VCP: variants seen among roughly 807,000 people sequenced by gnomAD.
The protein encoded by VCP is transitional endoplasmic reticulum ATPase.
A neutral mutation model predicts 85.7 loss-of-function variants in VCP; 6 were observed. That is an observed-to-expected ratio of 0.07 (90% CI 0.04 to 0.14). VCP has a LOEUF of 0.14. Among genes scored for constraint, VCP ranks in the 10% least tolerant of loss-of-function variants. VCP has a pLI of 1.00. For synonymous variants in VCP, 384 were observed against 367.1 expected (o/e 1.05, Z -0.53); for missense variants, 353 against 1,043.4 (o/e 0.34, Z 9.12).
Position 35,057,223 on chromosome 9 carries a change from CTG to C in VCP, c.2316-3_2316-2del, listed in dbSNP as rs942664787. 6.2e-7 allele frequency: 1 copy of C among 1,614,098 alleles called. No homozygotes were observed. The highest frequency in any genetic ancestry group is 8.5e-7 in the Non-Finnish European group (1 of 1,180,058). ...TCCACCCTGGTTCCCTGAAGGGAAT[CTG>C]TGTACAAGAGCAAAGCCAAAAAAGA... On this transcript the variant is annotated splice_acceptor_variant and splice_polypyrimidine_tract_variant and intron_variant, in intron 16 of 16. Transcript: ENST00000358901. LOFTEE classifies it high-confidence loss of function.
Position 35,056,936 on chromosome 9 carries a change from T to C in VCP, c.*181A>G. ...ATGAAAATCGCTTTTATTTTATCGC[T>C]TTTGTTTTGTATTTTTGCAACAGAA... On this transcript the variant is annotated 3_prime_UTR_variant, in exon 17 of 17. Transcript: ENST00000358901. The C allele has an allele frequency of 6.0e-6, 4 of 661,980 alleles. No homozygotes were observed. The South Asian group carries it at 6.5e-5, about 11-fold the overall frequency. 41.0% of individuals were successfully genotyped at this position (661,980 alleles called of 1,614,324 possible).
chr9:35,064,328 A>T (rs565784689), intron 5 of VCP, 43 bp from the exon 6 acceptor site: 2 of 1,611,010 alleles, frequency 1.2e-6, no homozygotes, highest in Non-Finnish European at 1.7e-6. Flanking sequence ...CAAGAATATT[A>T]TATCAGCAAA....
At chr9:35,071,665 G>A in intron 1 of VCP, 2 of 969,822 alleles carry the variant, frequency 2.1e-6, no homozygotes, top group Middle Eastern at 5.3e-4. Context: ...ATGAACAACA[G>A]GCCTAAAGTA....
intron 6 of VCP, among the ~76,000 whole-genome samples, chr9:35,063,927 T>G (rs1260665560): frequency 6.6e-6 from 1 of 152,256 alleles, no homozygotes; most frequent in African/African-American, 2.4e-5. Flanking sequence ...GTGTGTGTGT[T>G]TTGTGCGCAC....
chr9:35,068,610 G>T (rs574321642), intron 1 of VCP, among the ~76,000 whole-genome samples: 2 of 152,260 alleles, frequency 1.3e-5, no homozygotes, highest in African/African-American at 4.8e-5. Flanking sequence ...GAGTGATCCT[G>T]CCCCAGGGTC....
At chr9:35,068,638 G>A (rs1828881318) in intron 1 of VCP, among the ~76,000 whole-genome samples, 1 of 152,160 alleles carries the variant, frequency 6.6e-6, no homozygotes, top group Admixed American at 6.5e-5. Flanking sequence ...AATGGCCTAA[G>A]AAGAAGACAT....
In VCP at chr9:35,068,326, T is replaced by C. The variant is rs766042571; in HGVS notation, c.54A>G (p.Lys18=). The C allele has an allele frequency of 3.7e-5, 60 of 1,614,018 alleles. No homozygotes were observed. The East Asian group carries it at 1.3e-3, about 34-fold the overall frequency. Residue 18 remains lysine, a synonymous_variant, in exon 2 of 17, where the codon AAA becomes AAG. Coordinates refer to ENST00000358901, the MANE Select transcript of VCP (RefSeq NM_007126.5). ...TTAACCGATTGGGACGGTTCTTCTG[T>C]TTGAGAATGGCTGTTGATAGGTCAT... The part of the protein sequence containing the change: ...KGDDLSTAIL[K]QKNRPNRLIV...
intron 15 of VCP, among the ~76,000 whole-genome samples, chr9:35,058,776 A>C (rs988559222): frequency 6.9e-6 from 1 of 145,406 alleles, no homozygotes; most frequent in Non-Finnish European, 1.5e-5. Context: ...CAAAAAAAAA[A>C]CAAAAAACAA....
chr9:35,069,641 G>A (rs982573162), intron 1 of VCP, among the ~76,000 whole-genome samples: 2 of 151,758 alleles, frequency 1.3e-5, no homozygotes, highest in Admixed American at 1.3e-4. Flanking sequence ...TACTAGAGAT[G>A]GGGTTTCACC....
At chr9:35,071,280 T>C (rs1254598620) in intron 1 of VCP, among the ~76,000 whole-genome samples, 1 of 146,762 alleles carries the variant, frequency 6.8e-6, no homozygotes, top group African/African-American at 2.5e-5. Flanking sequence ...TAGAGTTTCC[T>C]TGGGCTGGCT....
intron 15 of VCP, among the ~76,000 whole-genome samples, chr9:35,058,060 A>G (rs928616136): frequency 1.3e-5 from 2 of 152,172 alleles, no homozygotes; most frequent in Non-Finnish European, 2.9e-5. Flanking sequence ...AATGATTGCA[A>G]TCCTACTACT....
intron 6 of VCP, among the ~76,000 whole-genome samples, chr9:35,063,916 T>C (rs141332754): frequency 4.6e-5 from 7 of 152,154 alleles, no homozygotes; most frequent in African/African-American, 1.4e-4. Context: ...CATATATATA[T>C]GTGTGTGTGT....
chr9:35,062,121 C>T lies in VCP; in HGVS notation c.963G>A (p.Glu321=). 3 of 1,614,196 alleles carry T rather than the reference C, an allele frequency of 1.9e-6. No homozygotes were observed. Among genetic ancestry groups the T allele is most frequent in the Non-Finnish European group, 2.5e-6 (3 of 1,180,034 alleles). ...PKREKTHGEV[E]RRIVSQLLTL... ...TCAACAACTGTGATACAATGCGCCG[C>T]TCCACCTCGCCATGAGTCTGCCAGA... The change falls in exon 9 of 17, where the codon GAG becomes GAA. Residue 321 remains glutamate (E), a synonymous_variant. Coordinates refer to ENST00000358901, the MANE Select transcript of VCP (RefSeq NM_007126.5).
At chr9:35,062,557 C>A (rs1587123886) in intron 7 of VCP, among the ~76,000 whole-genome samples, 1 of 152,296 alleles carries the variant, frequency 6.6e-6, no homozygotes, top group East Asian at 1.9e-4. Flanking sequence ...TCACTATACT[C>A]TTCTCACAGT....
intron 9 of VCP, 108 bp downstream of exon 9, chr9:35,061,895 C>T: frequency 1.3e-6 from 2 of 1,587,804 alleles, no homozygotes; most frequent in South Asian, 1.1e-5. Flanking sequence ...GGAAAAAGAC[C>T]CCTGGACCCA....
chr9:35,062,551 T>C (rs149934660), intron 7 of VCP, among the ~76,000 whole-genome samples: 129 of 152,250 alleles, frequency 8.5e-4, no homozygotes, highest in South Asian at 3.9e-3. Flanking sequence ...AGGGACTCAC[T>C]ATACTCTTCT....
At chr9:35,061,441 A>G in intron 10 of VCP, 136 bp downstream of exon 10, 1 of 965,712 alleles carries the variant, frequency 1.0e-6, no homozygotes, top group Non-Finnish European at 1.6e-6. Context: ...TCCTGGATTC[A>G]ATCTCAGATT....
chr9:35,067,549 G>A (rs1310255056), intron 3 of VCP, among the ~76,000 whole-genome samples: 1 of 152,156 alleles, frequency 6.6e-6, no homozygotes, highest in Admixed American at 6.5e-5. Context: ...TGAGAGTAGT[G>A]AGGAGATTAT....
intron 4 of VCP, among the ~76,000 whole-genome samples, chr9:35,065,935 G>A (rs1215581641): frequency 1.3e-5 from 2 of 152,284 alleles, no homozygotes; most frequent in East Asian, 1.9e-4. Flanking sequence ...AGACGAGCCT[G>A]ACCAACATGG....
Sources: allele counts gnomAD v4.1 joint callset (sites outside exome capture counted in the v4.1 genomes callset), GRCh38; gene constraint gnomAD v4.1.1; transcripts MANE v1.5; gene names NCBI Gene and HGNC (gene_info 2026-07-23, HGNC 2026-07-21).